The following ADAM22 variants were observed in gnomAD, a reference collection of about 807,000 sequenced individuals.
The protein encoded by ADAM22 is ADAM metallopeptidase domain 22.
Under a neutral mutation model 144.6 loss-of-function variants are expected in ADAM22, and 65 were observed. The observed-to-expected ratio is 0.45, with a 90% confidence interval of 0.37 to 0.55. The LOEUF (loss-of-function observed/expected upper bound fraction) is 0.55, where lower values mean the gene tolerates loss of function less well. ADAM22 is among the 20% of genes least tolerant of loss of function. ADAM22 has a pLI of 0.00. For missense variants in ADAM22, 974 were observed against 1,184.9 expected (o/e 0.82, Z 2.61); for synonymous variants, 391 against 412.6 (o/e 0.95, Z 0.63).
chr7:87,995,255 C>T (rs538828816), intron 3 of ADAM22, among the ~76,000 whole-genome samples: 1 of 152,132 alleles, frequency 6.6e-6, no homozygotes, highest in Non-Finnish European at 1.5e-5. Flanking sequence ...TCATGAACAC[C>T]GTTGATTGCT....
At position 88,197,956 on chromosome 7, in the gene ADAM22, C is replaced by G. The variant is rs1304573265; in HGVS notation, c.*1465C>G. ...AAATAAGATTCTATTTTAAAAGACC[C>G]TTCTTTAAAACCAAAGTTTGATAGC... is the stretch of plus-strand genomic sequence containing the variant. On this transcript the variant is annotated 3_prime_UTR_variant, in exon 32 of 32. Transcript: ENST00000413139. 3 of 152,112 alleles carry G rather than the reference C, an allele frequency of 2.0e-5. No individual in the cohort carries two copies. The highest frequency in any genetic ancestry group is 7.2e-5 in the African/African-American group (3 of 41,432). 9.4% of individuals were successfully genotyped at this position (152,112 alleles called of 1,614,324 possible). A position where few individuals can be genotyped will look rare whatever the true frequency, so the allele number is the denominator to read the frequency against.
chr7:88,147,684 A>G (rs1417113678), intron 17 of ADAM22, among the ~76,000 whole-genome samples: 1 of 152,156 alleles, frequency 6.6e-6, no homozygotes, highest in East Asian at 1.9e-4. Flanking sequence ...TGGTTGATTT[A>G]TATACTGCTG....
Position 88,143,040 on chromosome 7 carries a change from A to G in ADAM22, c.1235A>G (p.Lys412Arg), listed in dbSNP as rs1181687359. Residue 412 changes from lysine to arginine, a missense_variant, in exon 15 of 32, where the codon AAA (lysine) becomes AGA (arginine). This residue lies in a region of ADAM22 where 734 missense variants were observed against 950.6 expected (regional missense o/e 0.77). Coordinates refer to ENST00000413139, the MANE Select transcript of ADAM22 (RefSeq NM_001324418.2). ...CTCTTTTATAGCTATTATCTTCCTA[A>G]AAAGTTCACCCAGTGTAATATTGAA... Reference protein sequence around the residue: ...IMGDTGYYLPKKFTQCNIEEY... With the variant: ...IMGDTGYYLPRKFTQCNIEEY... 1.9e-6 allele frequency: 3 copies of G among 1,609,134 alleles called. No individual in the cohort carries two copies. In the Admixed American group the frequency reaches 5.0e-5, roughly 27 times the overall value.
At chr7:88,027,946 A>G (rs1480910826) in intron 3 of ADAM22, among the ~76,000 whole-genome samples, 1 of 151,910 alleles carries the variant, frequency 6.6e-6, no homozygotes. Context: ...ATGTGCCACC[A>G]CATCCGGCTA....
chr7:88,096,779 G>A (rs905373899), intron 4 of ADAM22, among the ~76,000 whole-genome samples: 4 of 152,044 alleles, frequency 2.6e-5, no homozygotes, highest in African/African-American at 9.7e-5. Context: ...AAGGGACTCT[G>A]GTGGTTCAAC....
chr7:87,982,065 ATAT>A, intron 3 of ADAM22, among the ~76,000 whole-genome samples: 1 of 108,572 alleles, frequency 9.2e-6, no homozygotes, highest in Non-Finnish European at 1.7e-5. Context: ...ATATATATAT[ATAT>A]ACACACACAC....
At chr7:88,115,363 T>C (rs557552193) in intron 6 of ADAM22, among the ~76,000 whole-genome samples, 6 of 152,248 alleles carry the variant, frequency 3.9e-5, no homozygotes, top group Non-Finnish European at 8.8e-5. Flanking sequence ...TTGACTTGGC[T>C]ACCATAACAA....
chr7:88,074,880 A>G (rs1448136850), intron 3 of ADAM22, among the ~76,000 whole-genome samples: 1 of 152,194 alleles, frequency 6.6e-6, no homozygotes, highest in Non-Finnish European at 1.5e-5. Context: ...AGGAGTTTTT[A>G]GTTGGCTCAA....
At position 87,946,777 on chromosome 7, in the gene ADAM22, A is replaced by G. The variant is rs183454197; in HGVS notation, c.246+11591A>G. 5.3e-5 allele frequency among the ~76,000 whole-genome samples: 8 copies of G among 152,340 alleles called. No individual in the cohort carries two copies. The East Asian group carries it at 9.6e-4, about 18-fold the overall frequency. ...TGCACTCATGTTCATTGCACTATTC[A>G]TAACAGCAAAGTCAGGGAATCAACC... On this transcript the variant is annotated intron_variant, in intron 2 of 31. Coordinates refer to ENST00000413139, the MANE Select transcript of ADAM22 (RefSeq NM_001324418.2).
rs1421663690 is a variant in ADAM22 at position 87,935,136 on chromosome 7, C to A, written c.196C>A (p.Arg66=). The change falls in exon 2 of 32, where the codon CGG becomes AGG. Residue 66 remains arginine (R), a synonymous_variant. Coordinates refer to ENST00000413139, the MANE Select transcript of ADAM22 (RefSeq NM_001324418.2). The part of the protein sequence containing the change: ...IYRSGGEDES[R]HDALDTRVRG... ...CCGCTCGGGCGGCGAAGACGAAAGT[C>A]GGCACGACGCGCTCGACACGCGGGT... is the stretch of plus-strand genomic sequence containing the variant. The A allele has an allele frequency of 6.2e-7, 1 of 1,613,212 alleles. No homozygotes were observed. The highest frequency in any genetic ancestry group is 8.5e-7 in the Non-Finnish European group (1 of 1,179,706).
chr7:87,984,639 A>C (rs1330968082), intron 3 of ADAM22, among the ~76,000 whole-genome samples: 3 of 152,104 alleles, frequency 2.0e-5, no homozygotes, highest in African/African-American at 4.8e-5. Flanking sequence ...CCTCTTTCCG[A>C]ATCCTATTTT....
intron 3 of ADAM22, among the ~76,000 whole-genome samples, chr7:88,010,029 C>CT (rs76466800): frequency 1.6e-4 from 24 of 149,496 alleles, no homozygotes; most frequent in South Asian, 6.4e-4. Flanking sequence ...GAATTTCTCT[C>CT]TTTTTTTTTT....
intron 14 of ADAM22, among the ~76,000 whole-genome samples, chr7:88,139,981 G>A (rs1157073876): frequency 6.6e-6 from 1 of 152,176 alleles, no homozygotes; most frequent in African/African-American, 2.4e-5. Context: ...GGCTGTACAA[G>A]CATGGCACCA....
intron 5 of ADAM22, among the ~76,000 whole-genome samples, chr7:88,108,835 A>T (rs1376083965): frequency 1.3e-5 from 2 of 152,172 alleles, no homozygotes; most frequent in East Asian, 1.9e-4. Flanking sequence ...CTTTAAGGAG[A>T]TGCTAGACTC....
chr7:88,006,619 T>A (rs1222178279), intron 3 of ADAM22, among the ~76,000 whole-genome samples: 2 of 147,566 alleles, frequency 1.4e-5, no homozygotes, highest in East Asian at 4.0e-4. Context: ...ATAAATGTAA[T>A]CCAGCATATA....
At chr7:88,141,346 C>A (rs1414228340) in intron 14 of ADAM22, among the ~76,000 whole-genome samples, 1 of 152,122 alleles carries the variant, frequency 6.6e-6, no homozygotes, top group Non-Finnish European at 1.5e-5. Context: ...AACTTAAACC[C>A]AAGACAGCTT....
In ADAM22 at chr7:88,159,530, G is replaced by C. The variant is rs559436137; in HGVS notation, c.1908-3482G>C. ...CAACAAAATACTTGCAAACCAAATT[G>C]AGTAGCACATCAAAAATCATATCCA... On this transcript the variant is annotated intron_variant, in intron 22 of 31. Transcript: ENST00000413139. Among the ~76,000 whole-genome samples, 5 of 152,102 alleles carry C rather than the reference G, an allele frequency of 3.3e-5. 1 individual carries two copies. In the South Asian group the frequency reaches 1.0e-3, roughly 32 times the overall value.
At chr7:87,956,342 TA>T (rs1038003324) in intron 2 of ADAM22, among the ~76,000 whole-genome samples, 3 of 152,164 alleles carry the variant, frequency 2.0e-5, no homozygotes, top group Admixed American at 2.0e-4. Context: ...GACCCTACAT[TA>T]AAAGATAAAG....
intron 2 of ADAM22, among the ~76,000 whole-genome samples, chr7:87,972,290 C>G (rs903392826): frequency 2.0e-5 from 3 of 151,496 alleles, no homozygotes; most frequent in African/African-American, 7.3e-5. Context: ...ACACCAATAA[C>G]AGACAAACAG....
Sources: gnomAD v4.1 joint callset for allele counts (sites outside exome capture counted in the v4.1 genomes callset) on GRCh38, gnomAD v4.1.1 for gene constraint, gnomAD v4.1.1 regional missense constraint, MANE v1.5 for transcripts, NCBI Gene and HGNC (gene_info 2026-07-23, HGNC 2026-07-21) for gene names.